CDH6: variants seen among roughly 807,000 people sequenced by gnomAD.
CDH6 encodes the protein cadherin 6.
Under a neutral mutation model 78.0 loss-of-function variants are expected in CDH6, and 31 were observed. The ratio of observed to expected loss-of-function variants is 0.40; its 90% CI spans 0.30 to 0.54. The LOEUF is 0.54. CDH6 is among the 20% of genes least tolerant of loss of function. CDH6 has a pLI of 0.56. For synonymous variants in CDH6, 376 were observed against 368.8 expected (o/e 1.02, Z -0.23); for missense variants, 724 against 975.9 (o/e 0.74, Z 3.44).
At chr5:31,236,109 C>T (rs1042861915) in intron 1 of CDH6, among the ~76,000 whole-genome samples, 8 of 152,020 alleles carry the variant, frequency 5.3e-5, no homozygotes, top group African/African-American at 1.7e-4. Context: ...ATTTATTATG[C>T]GGTATAAATT....
intron 7 of CDH6, among the ~76,000 whole-genome samples, chr5:31,307,801 T>C (rs544557670): frequency 2.2e-4 from 33 of 152,336 alleles, no homozygotes; most frequent in African/African-American, 7.9e-4. Flanking sequence ...GTTTTGCGAA[T>C]TCAGGCAATA....
At chr5:31,241,327 C>T (rs1220956608) in intron 1 of CDH6, among the ~76,000 whole-genome samples, 1 of 152,188 alleles carries the variant, frequency 6.6e-6, no homozygotes, top group African/African-American at 2.4e-5. Flanking sequence ...TCAACCTCCT[C>T]CAACTCTTGT....
At chr5:31,224,905 CA>C (rs1260233211) in intron 1 of CDH6, among the ~76,000 whole-genome samples, 1 of 152,162 alleles carries the variant, frequency 6.6e-6, no homozygotes, top group Non-Finnish European at 1.5e-5. Flanking sequence ...ATATTTCAGC[CA>C]AGTTTTCTGT....
intron 1 of CDH6, among the ~76,000 whole-genome samples, chr5:31,222,716 T>A (rs1291152206): frequency 6.6e-6 from 1 of 152,154 alleles, no homozygotes; most frequent in Non-Finnish European, 1.5e-5. Flanking sequence ...AAGAACTTCC[T>A]TAAAGTAGAA....
intron 2 of CDH6, among the ~76,000 whole-genome samples, chr5:31,284,489 G>A (rs563540867): frequency 6.6e-6 from 1 of 152,364 alleles, no homozygotes; most frequent in East Asian, 1.9e-4. Flanking sequence ...TTGCCCTGGG[G>A]CGATCACGTG....
intron 1 of CDH6, among the ~76,000 whole-genome samples, chr5:31,262,628 G>A (rs1472949680): frequency 6.6e-6 from 1 of 152,198 alleles, no homozygotes; most frequent in East Asian, 1.9e-4. Flanking sequence ...GGAATGCAGG[G>A]TAGGGTGAGG....
intron 2 of CDH6, among the ~76,000 whole-genome samples, chr5:31,278,039 T>C (rs781429697): frequency 6.6e-6 from 1 of 152,148 alleles, no homozygotes; most frequent in Non-Finnish European, 1.5e-5. Flanking sequence ...ACATTTAAGA[T>C]CTATTCCCTT....
chr5:31,318,104 G>T, intron 11 of CDH6, 180 bp downstream of exon 11: 2 of 722,012 alleles, frequency 2.8e-6, no homozygotes, highest in South Asian at 3.3e-5. Flanking sequence ...AAATGGCTTT[G>T]GAAAATGAAC....
At chr5:31,270,050 A>T (rs1315501787) in intron 2 of CDH6, among the ~76,000 whole-genome samples, 3 of 152,240 alleles carry the variant, frequency 2.0e-5, no homozygotes, top group Non-Finnish European at 4.4e-5. Flanking sequence ...ATTTTTTACC[A>T]CAATTAAAAA....
At position 31,323,138 on chromosome 5, in the gene CDH6, T is replaced by A; in HGVS notation, c.2203T>A (p.Leu735Met). The change falls in exon 12 of 12, where the codon TTG (leucine) becomes ATG (methionine). Residue 735 changes from leucine (L) to methionine (M), a missense_variant. Transcript: ENST00000265071. ...CCCCACTGCCCCGCCATACGACTCC[T>A]TGGCCACTTACGCCTATGAAGGCAC... is the stretch of plus-strand genomic sequence containing the variant. Reference protein sequence around the residue: ...TDPTAPPYDSLATYAYEGTGS... With the variant: ...TDPTAPPYDSMATYAYEGTGS... The A allele has an allele frequency of 6.2e-7, 1 of 1,614,160 alleles. No homozygotes were observed. Among genetic ancestry groups the A allele is most frequent in the Non-Finnish European group, 8.5e-7 (1 of 1,180,034 alleles).
intron 2 of CDH6, among the ~76,000 whole-genome samples, chr5:31,271,171 CTGTT>C (rs1310225473): frequency 6.6e-6 from 1 of 152,070 alleles, no homozygotes; most frequent in African/African-American, 2.4e-5. Context: ...TTATAAACAT[CTGTT>C]TGTGTTGATT....
intron 1 of CDH6, among the ~76,000 whole-genome samples, chr5:31,260,009 T>C (rs542472668): frequency 2.4e-4 from 36 of 152,340 alleles, no homozygotes; most frequent in African/African-American, 8.7e-4. Flanking sequence ...TGAGGATGTA[T>C]TGATTCCTTG....
At chr5:31,262,487 A>G (rs1293739968) in intron 1 of CDH6, among the ~76,000 whole-genome samples, 1 of 152,218 alleles carries the variant, frequency 6.6e-6, no homozygotes, top group Non-Finnish European at 1.5e-5. Context: ...AAAAGAAAAG[A>G]AGAGACATAG....
Position 31,294,794 on chromosome 5 carries a change from A to G in CDH6, c.523+538A>G, listed in dbSNP as rs1737539297. ...TCCTTTACTACATGGTGGAAATGAA[A>G]AGACTTTCATAACATACATAGAGTG... On this transcript the variant is annotated intron_variant, in intron 3 of 11. Coordinates refer to ENST00000265071, the MANE Select transcript of CDH6 (RefSeq NM_004932.4). This position sits in a 1 kb window ranked among gnomAD's most constrained non-coding sequence, Gnocchi z 4.1. Among the ~76,000 whole-genome samples the G allele has an allele frequency of 6.6e-6, 1 of 152,208 alleles. No homozygotes were observed. Among genetic ancestry groups the G allele is most frequent in the African/African-American group, 2.4e-5 (1 of 41,448 alleles).
chr5:31,308,100 G>A (rs959162439), intron 7 of CDH6, among the ~76,000 whole-genome samples: 1 of 151,986 alleles, frequency 6.6e-6, no homozygotes, highest in Non-Finnish European at 1.5e-5. Flanking sequence ...CATAATTTTT[G>A]ATTATTCAAG....
intron 7 of CDH6, among the ~76,000 whole-genome samples, chr5:31,308,213 A>G (rs1738045306): frequency 6.6e-6 from 1 of 152,138 alleles, no homozygotes; most frequent in South Asian, 2.1e-4. Context: ...ACAAGCACAA[A>G]TCTTTAATTC....
intron 2 of CDH6, among the ~76,000 whole-genome samples, chr5:31,276,331 A>G (rs1742692319): frequency 6.6e-6 from 1 of 152,186 alleles, no homozygotes; most frequent in Non-Finnish European, 1.5e-5. Flanking sequence ...ATAAGAAGCA[A>G]AGAAGCATGC....
At chr5:31,259,989 A>C (rs1742169719) in intron 1 of CDH6, among the ~76,000 whole-genome samples, 1 of 152,228 alleles carries the variant, frequency 6.6e-6, no homozygotes, top group African/African-American at 2.4e-5. Flanking sequence ...GTTTCAAGTT[A>C]ATCCACAAAT....
intron 1 of CDH6, among the ~76,000 whole-genome samples, chr5:31,256,364 G>A (rs922910740): frequency 2.6e-5 from 4 of 152,122 alleles, no homozygotes; most frequent in African/African-American, 9.7e-5. Context: ...TAACTGAGCT[G>A]GCCAAGGGTG....
Sources: gnomAD v4.1 joint callset for allele counts (sites outside exome capture counted in the v4.1 genomes callset) on GRCh38, gnomAD v4.1.1 for gene constraint, Gnocchi (gnomAD v3.1) non-coding constraint, MANE v1.5 for transcripts, NCBI Gene and HGNC (gene_info 2026-07-23, HGNC 2026-07-21) for gene names.